Variants in E2F7 observed in about 807,000 individuals in gnomAD.
E2F7 encodes transcription factor E2F7.
In E2F7, 35 loss-of-function variants were observed where a neutral mutation model predicts 81.1. The ratio of observed to expected loss-of-function variants is 0.43; its 90% CI spans 0.33 to 0.57. E2F7 has a LOEUF of 0.57. Among genes scored for constraint, E2F7 ranks in the 20% least tolerant of loss-of-function variants. The pLI is 0.04. For synonymous variants in E2F7, 416 were observed against 416.2 expected (o/e 1.00, Z 0.01); for missense variants, 961 against 1,093.7 (o/e 0.88, Z 1.71).
chr12:77,058,578 A>G (rs1347073130), intron 2 of E2F7, among the ~76,000 whole-genome samples: 1 of 152,122 alleles, frequency 6.6e-6, no homozygotes, highest in Non-Finnish European at 1.5e-5. Flanking sequence ...AGTTATATAC[A>G]CAGGATGTAG....
At chr12:77,064,031 T>C (rs575223627) in intron 2 of E2F7, among the ~76,000 whole-genome samples, 1 of 152,238 alleles carries the variant, frequency 6.6e-6, no homozygotes, top group Non-Finnish European at 1.5e-5. Context: ...AGCAACAGTA[T>C]GGTAAAATAT....
intron 2 of E2F7, among the ~76,000 whole-genome samples, chr12:77,062,959 C>T (rs962309879): frequency 4.6e-5 from 7 of 151,290 alleles, no homozygotes; most frequent in African/African-American, 1.7e-4. Flanking sequence ...TGGCCAACTG[C>T]GGTCCAAAAA....
At chr12:77,025,520 C>G (rs1565892398) in intron 12 of E2F7, 38 bp downstream of exon 12, 1 of 1,603,822 alleles carries the variant, frequency 6.2e-7, no homozygotes, top group Non-Finnish European at 8.5e-7. Context: ...ATACCCCTTC[C>G]CAGAGTGACA....
At chr12:77,048,430 AAC>A (rs1416708394) in intron 4 of E2F7, among the ~76,000 whole-genome samples, 15 of 152,280 alleles carry the variant, frequency 9.9e-5, no homozygotes, top group African/African-American at 3.6e-4. Flanking sequence ...CAGCCCAGAA[AAC>A]AGTTTCCTAG....
At chr12:77,043,791 A>G (rs1280465616) in intron 6 of E2F7, among the ~76,000 whole-genome samples, 2 of 152,216 alleles carry the variant, frequency 1.3e-5, no homozygotes, top group Non-Finnish European at 2.9e-5. Context: ...TGGCTTTGGG[A>G]GAAACACTTA....
intron 4 of E2F7, 54 bp downstream of exon 4, chr12:77,050,521 AC>A (rs1442767902): frequency 7.6e-6 from 12 of 1,586,516 alleles, no homozygotes; most frequent in Non-Finnish European, 1.0e-5. Flanking sequence ...GCCCAAGGAA[AC>A]CAGTTTCCCA....
intron 11 of E2F7, among the ~76,000 whole-genome samples, chr12:77,027,115 A>G (rs545959359): frequency 6.6e-6 from 1 of 152,358 alleles, no homozygotes; most frequent in South Asian, 2.1e-4. Flanking sequence ...TTTTTTCTAG[A>G]TAAGTGAATA....
In E2F7 at chr12:77,029,894, C is replaced by T. The variant is rs770076876; in HGVS notation, c.1821G>A (p.Glu607=). The change falls in exon 10 of 13, where the codon GAG becomes GAA. Residue 607 remains glutamate (E), a synonymous_variant. Coordinates refer to ENST00000322886, the MANE Select transcript of E2F7 (RefSeq NM_203394.3). The part of the protein sequence containing the change: ...CEERKPQEED[E]PATKRQSREY... Reference sequence around the variant, plus strand: ...CCCTACTTTGCCTTTTAGTGGCTGGCTCATCCTCCTCCTGAGGTTTCCTCT... The same window carrying T: ...CCCTACTTTGCCTTTTAGTGGCTGGTTCATCCTCCTCCTGAGGTTTCCTCT... The T allele has an allele frequency of 1.2e-6, 2 of 1,613,102 alleles. No individual in the cohort carries two copies. Among genetic ancestry groups the T allele is most frequent in the African/African-American group, 1.3e-5 (1 of 74,938 alleles).
At position 77,030,074 on chromosome 12, in the gene E2F7, C is replaced by T. The variant is rs1157797027; in HGVS notation, c.1641G>A (p.Val547=). The stretch of plus-strand genomic sequence containing the variant: ...TGAACAGTGAGGCAGAGGGCACATA[C>T]ACTAGAGGCTGGCCAGCAAGGAGTG... ...KPALLAGQPL[V]YVPSASLFML... Residue 547 remains valine, a synonymous_variant, in exon 10 of 13, where the codon GTG becomes GTA. Transcript: ENST00000322886. 1 of 1,614,198 alleles carries T rather than the reference C, an allele frequency of 6.2e-7. No individual in the cohort carries two copies. The highest frequency in any genetic ancestry group is 8.5e-7 in the Non-Finnish European group (1 of 1,180,038).
intron 1 of E2F7, among the ~76,000 whole-genome samples, chr12:77,065,036 G>C (rs1955107323): frequency 1.3e-5 from 2 of 152,176 alleles, no homozygotes; most frequent in Admixed American, 6.5e-5. Context: ...TCGGGGGAAG[G>C]AAACCCGATC....
chr12:77,028,950 C>A (rs10779151), intron 10 of E2F7, among the ~76,000 whole-genome samples: 59,418 of 152,012 alleles, frequency 0.39, 12,335 homozygotes, highest in Non-Finnish European at 0.46. Flanking sequence ...AGAGAAATGA[C>A]AAGAGATTTT....
At chr12:77,038,538 G>A (rs186178829) in intron 7 of E2F7, among the ~76,000 whole-genome samples, 19 of 152,096 alleles carry the variant, frequency 1.2e-4, no homozygotes, top group Admixed American at 1.0e-3. Flanking sequence ...ACATCAAAAG[G>A]GAAAATACAA....
chr12:77,040,022 G>A (rs1408236412), intron 7 of E2F7, among the ~76,000 whole-genome samples: 1 of 152,168 alleles, frequency 6.6e-6, no homozygotes, highest in Admixed American at 6.5e-5. Context: ...CAGTAGTTAT[G>A]TTCTATAAAG....
chr12:77,030,046 G>C lies in E2F7; in HGVS notation c.1669C>G (p.Leu557Val). 6.2e-7 allele frequency: 1 copy of C among 1,614,158 alleles called. No individual in the cohort carries two copies. The highest frequency in any genetic ancestry group is 1.1e-5 in the South Asian group (1 of 91,070). Reference protein sequence around the residue: ...VYVPSASLFMLYGSLQEGPAS... With the variant: ...VYVPSASLFMVYGSLQEGPAS... ...GGTCCCTCCTGCAGACTTCCATACA[G>C]CATGAACAGTGAGGCAGAGGGCACA... Residue 557 changes from leucine to valine, a missense_variant, in exon 10 of 13, where the codon CTG (leucine) becomes GTG (valine). Leu to Val is a conservative substitution (Grantham distance 32). Coordinates refer to ENST00000322886, the MANE Select transcript of E2F7 (RefSeq NM_203394.3).
chr12:77,048,907 A>G (rs775138214), intron 4 of E2F7, among the ~76,000 whole-genome samples: 1 of 152,206 alleles, frequency 6.6e-6, no homozygotes. Flanking sequence ...ACACTCCTCA[A>G]TGGAAGTTGG....
In E2F7 at chr12:77,022,419, C is replaced by T. The variant is rs1207103186; in HGVS notation, c.*1596G>A. ...CAAATTTATTTAATGTAGCTACCTACCTCAAGTTTTAAAAAATCTTGTGGG... is the reference window on the plus strand; with the variant it reads ...CAAATTTATTTAATGTAGCTACCTATCTCAAGTTTTAAAAAATCTTGTGGG... On this transcript the variant is annotated 3_prime_UTR_variant, in exon 13 of 13. Coordinates refer to ENST00000322886, the MANE Select transcript of E2F7 (RefSeq NM_203394.3). 6 of 152,484 alleles carry T rather than the reference C, an allele frequency of 3.9e-5. No individual in the cohort carries two copies. The South Asian group carries it at 1.2e-3, about 32-fold the overall frequency. The allele number at this position is 152,484 out of a possible 1,614,324, so 9.4% of individuals were successfully genotyped here. A position where few individuals can be genotyped will look rare whatever the true frequency, so the allele number is the denominator to read the frequency against.
At chr12:77,043,246 T>C (rs370116438) in intron 6 of E2F7, 47 bp from the exon 7 acceptor site, 16 of 1,609,912 alleles carry the variant, frequency 9.9e-6, no homozygotes, top group Non-Finnish European at 1.3e-5. Flanking sequence ...TGTGACACCA[T>C]GACAGTTTAG....
intron 7 of E2F7, among the ~76,000 whole-genome samples, chr12:77,035,534 C>G (rs1287097044): frequency 6.6e-6 from 1 of 152,146 alleles, no homozygotes; most frequent in East Asian, 1.9e-4. Flanking sequence ...GTACTAAAGA[C>G]TAAAAGCTGA....
chr12:77,050,764 G>A lies in E2F7; in HGVS notation c.370-20C>T. The stretch of plus-strand genomic sequence containing the variant: ...ATCAAGCTACAGAGGGCAGATAGAA[G>A]GGAGGGGGAAGATGTCACAGTTAAC... On this transcript the variant is annotated intron_variant, in intron 3 of 12. Transcript: ENST00000322886. 1.2e-6 allele frequency: 2 copies of A among 1,607,750 alleles called. No individual in the cohort carries two copies. Among genetic ancestry groups the A allele is most frequent in the Non-Finnish European group, 1.7e-6 (2 of 1,176,238 alleles).
Sources: gnomAD v4.1 joint callset for allele counts (sites outside exome capture counted in the v4.1 genomes callset) on GRCh38, gnomAD v4.1.1 for gene constraint, MANE v1.5 for transcripts, NCBI Gene and HGNC (gene_info 2026-07-23, HGNC 2026-07-21) for gene names.